The following KCNN2 variants were observed in gnomAD, a reference collection of about 807,000 sequenced individuals.
KCNN2 encodes the protein small conductance calcium-activated potassium channel protein 2.
KCNN2 carries 24 observed loss-of-function variants against 55.5 expected under a neutral mutation model. The observed-to-expected ratio is 0.43, with a 90% confidence interval of 0.31 to 0.61. The LOEUF is 0.61. Ranked by LOEUF, KCNN2 falls within the 20% of genes least tolerant of loss-of-function variation. The pLI, the probability that KCNN2 is intolerant of heterozygous loss-of-function variation, is 0.08. For missense variants in KCNN2, 754 were observed against 853.6 expected, an observed-to-expected ratio of 0.88 and a Z score of 1.45; for synonymous variants, 431 against 336.1, an observed-to-expected ratio of 1.28 and a Z score of -3.09.
upstream of KCNN2, among the ~76,000 whole-genome samples, chr5:114,358,645 T>G (rs1356616576): frequency 7.7e-6 from 1 of 130,714 alleles, no homozygotes; most frequent in Non-Finnish European, 1.7e-5. Flanking sequence ...GCCCTTGATC[T>G]GCGTCTTTTT....
intron 3 of KCNN2, among the ~76,000 whole-genome samples, chr5:114,427,987 G>A (rs1322185081): frequency 6.6e-6 from 1 of 152,152 alleles, no homozygotes; most frequent in Admixed American, 6.5e-5. Context: ...TCCTAGGAAA[G>A]GGCGTTATAT....
chr5:114,109,749 G>A (rs1479697242), intron 1 of KCNN2, among the ~76,000 whole-genome samples: 2 of 152,068 alleles, frequency 1.3e-5, no homozygotes, highest in African/African-American at 4.8e-5. Flanking sequence ...CAGGGCACAG[G>A]TATGCCTCCT....
At chr5:114,345,478 G>A (rs1328374651) in intron 2 of KCNN2, among the ~76,000 whole-genome samples, 1 of 152,168 alleles carries the variant, frequency 6.6e-6, no homozygotes. Context: ...ACAAATGAAT[G>A]CTAATTAAAA....
At chr5:114,215,209 T>C (rs1034544963) in intron 1 of KCNN2, among the ~76,000 whole-genome samples, 1 of 152,138 alleles carries the variant, frequency 6.6e-6, no homozygotes, top group Non-Finnish European at 1.5e-5. Flanking sequence ...TAAGATTTTA[T>C]TCCTACTAGA....
At chr5:114,267,152 T>C (rs1413476387) in intron 2 of KCNN2, among the ~76,000 whole-genome samples, 1 of 152,098 alleles carries the variant, frequency 6.6e-6, no homozygotes, top group Non-Finnish European at 1.5e-5. Context: ...TATGCCACAA[T>C]GCCCAGCTAA....
At chr5:114,177,867 A>C (rs6884723) in intron 1 of KCNN2, among the ~76,000 whole-genome samples, 4,701 of 152,280 alleles carry the variant, frequency 0.031, 251 homozygotes, top group African/African-American at 0.11. Flanking sequence ...ATTTTGATCA[A>C]TTAGACATCG....
At chr5:114,151,379 C>A (rs966365563) in intron 1 of KCNN2, among the ~76,000 whole-genome samples, 2 of 152,214 alleles carry the variant, frequency 1.3e-5, no homozygotes, top group African/African-American at 2.4e-5. Flanking sequence ...TGTTCTCATT[C>A]CACCGTCCTG....
intron 1 of KCNN2, among the ~76,000 whole-genome samples, chr5:114,175,514 G>A (rs1441100636): frequency 1.3e-5 from 2 of 151,998 alleles, no homozygotes; most frequent in African/African-American, 4.8e-5. Flanking sequence ...AACTTTTGTT[G>A]ATATACTCAA....
At chr5:114,351,819 A>G (rs1327149643) in intron 2 of KCNN2, among the ~76,000 whole-genome samples, 1 of 151,822 alleles carries the variant, frequency 6.6e-6, no homozygotes, top group Non-Finnish European at 1.5e-5. Flanking sequence ...TTGGTCATGT[A>G]TATAACTTTG....
chr5:114,346,338 C>G (rs191995133), intron 2 of KCNN2, among the ~76,000 whole-genome samples: 27 of 152,316 alleles, frequency 1.8e-4, no homozygotes, highest in Admixed American at 1.1e-3. Flanking sequence ...GACATAGATA[C>G]AAACTCTGTC....
At chr5:114,316,519 G>T (rs1433912109) in intron 2 of KCNN2, among the ~76,000 whole-genome samples, 9 of 152,140 alleles carry the variant, frequency 5.9e-5, no homozygotes, top group Non-Finnish European at 1.0e-4. Flanking sequence ...AAGCAGACCC[G>T]CAGATACACA....
rs551246607 is a variant in KCNN2, at chr5:114,191,615, A to G, written c.-270-29865A>G. 3.9e-5 allele frequency among the ~76,000 whole-genome samples: 6 copies of G among 152,322 alleles called. 1 individual carries two copies. Among genetic ancestry groups the G allele is most frequent in the African/African-American group, 4.8e-5 (2 of 41,574 alleles). ...GATGATCTGTGTTTAGCATTGGGCC[A>G]GTACAGCAGTCATAGCACTGGAATG... is the stretch of plus-strand genomic sequence containing the variant. On this transcript the variant is annotated intron_variant, in intron 1 of 10. Transcript: ENST00000512097.
intron 1 of KCNN2, among the ~76,000 whole-genome samples, chr5:114,153,417 C>T (rs1250100677): frequency 1.3e-5 from 2 of 152,140 alleles, no homozygotes; most frequent in East Asian, 3.9e-4. Context: ...CTGTGAAGGG[C>T]CTTAGAGTTT....
At chr5:114,241,612 G>C (rs1272555794) in intron 2 of KCNN2, among the ~76,000 whole-genome samples, 1 of 149,672 alleles carries the variant, frequency 6.7e-6, no homozygotes, top group East Asian at 2.0e-4. Flanking sequence ...TAAGAACCTT[G>C]TCTTTCACAA....
At chr5:114,258,637 G>A (rs182982278) in intron 2 of KCNN2, among the ~76,000 whole-genome samples, 5 of 152,172 alleles carry the variant, frequency 3.3e-5, no homozygotes, top group East Asian at 1.9e-4. Context: ...ATACAGATGC[G>A]CATACTATTG....
chr5:114,106,997 A>T (rs1176946815), intron 1 of KCNN2, among the ~76,000 whole-genome samples: 1 of 152,076 alleles, frequency 6.6e-6, no homozygotes, highest in African/African-American at 2.4e-5. Flanking sequence ...TACAAGCTTT[A>T]TAATTTTACC....
intron 1 of KCNN2, among the ~76,000 whole-genome samples, chr5:114,208,698 A>G (rs1323010334): frequency 6.6e-6 from 1 of 152,190 alleles, no homozygotes; most frequent in Non-Finnish European, 1.5e-5. Flanking sequence ...AGCCTAAAAA[A>G]TCCACTAGGG....
chr5:114,143,221 C>A (rs1366977962), intron 1 of KCNN2, among the ~76,000 whole-genome samples: 1 of 152,096 alleles, frequency 6.6e-6, no homozygotes, highest in Non-Finnish European at 1.5e-5. Context: ...TGAAGTAATT[C>A]TTTAACAGAA....
intron 1 of KCNN2, among the ~76,000 whole-genome samples, chr5:114,103,107 T>C (rs1751406572): frequency 6.6e-6 from 1 of 152,198 alleles, no homozygotes. Flanking sequence ...TCCTCTCTTA[T>C]TTCCTTGAAC....
Sources: allele counts gnomAD v4.1 joint callset (sites outside exome capture counted in the v4.1 genomes callset), GRCh38; gene constraint gnomAD v4.1.1; transcripts MANE v1.5; gene names NCBI Gene and HGNC (gene_info 2026-07-23, HGNC 2026-07-21).